E4F1: variants seen among roughly 807,000 people sequenced by gnomAD.
The protein encoded by E4F1 is transcription factor E4F1.
A neutral mutation model predicts 72.9 loss-of-function variants in E4F1; 30 were observed. The ratio of observed to expected loss-of-function variants is 0.41; its 90% CI spans 0.31 to 0.56. The LOEUF is 0.56. E4F1 is among the 20% of genes least tolerant of loss of function. The pLI is 0.25. For missense variants in E4F1, 1,091 were observed against 1,117.5 expected (o/e 0.98, Z 0.34); for synonymous variants, 542 against 478.2 (o/e 1.13, Z -1.74).
chr16:2,235,552 G>A lies in E4F1; in HGVS notation c.2335G>A (p.Val779Met), dbSNP rs2093503338. 6.3e-7 allele frequency: 1 copy of A among 1,599,068 alleles called. No individual in the cohort carries two copies. Among genetic ancestry groups the A allele is most frequent in the Non-Finnish European group, 8.5e-7 (1 of 1,170,526 alleles). The change falls in exon 14 of 14, where the codon GTG becomes ATG. Residue 779 changes from valine to methionine, a missense_variant. Around this residue, in one of 5 missense-constraint regions of E4F1, gnomAD observed 622 missense variants for 628.0 expected, o/e 0.99. Coordinates refer to ENST00000301727, the MANE Select transcript of E4F1 (RefSeq NM_004424.5). ...VIASPEGQLE[V>M]QTVIV ...CGCCTCGCCGGAGGGCCAGCTGGAG[G>A]TGCAGACGGTCATCGTCTAGCATGA...
intron 1 of E4F1, among the ~76,000 whole-genome samples, chr16:2,224,799 A>G (rs745661683): frequency 2.8e-4 from 42 of 151,494 alleles, no homozygotes; most frequent in Admixed American, 1.6e-3. Flanking sequence ...AAAGAAAATG[A>G]CCAGGGTCAC....
intron 2 of E4F1, among the ~76,000 whole-genome samples, chr16:2,229,173 C>T (rs1466383544): frequency 6.6e-6 from 1 of 152,222 alleles, no homozygotes; most frequent in Non-Finnish European, 1.5e-5. Context: ...CCAGGAAGGC[C>T]TCTGGCCCAC....
Position 2,232,329 on chromosome 16 carries a change from T to TA in E4F1, c.575dup (p.Tyr192Ter). ...VKLLVNKDGR[Y>*]VCALCHKTFK... ...GCTACTGGTGAACAAGGATGGCCGC[T>TA]ATGTGTGTGCGCTGTGCCACAAGAC... Residue 192 changes from tyrosine to a stop codon, truncating the protein, a stop_gained and frameshift_variant, in exon 4 of 14, where the codon TAT becomes TAAT. Coordinates refer to ENST00000301727, the MANE Select transcript of E4F1 (RefSeq NM_004424.5). LOFTEE classifies it high-confidence loss of function. The TA allele has an allele frequency of 6.2e-7, 1 of 1,608,886 alleles. No individual in the cohort carries two copies.
chr16:2,232,205 T>C lies in E4F1; in HGVS notation c.450T>C (p.Ala150=), dbSNP rs1211740135. 4 of 1,612,674 alleles carry C rather than the reference T, an allele frequency of 2.5e-6. No individual in the cohort carries two copies. The highest frequency in any genetic ancestry group is 3.4e-6 in the Non-Finnish European group (4 of 1,179,928). The change falls in exon 4 of 14, where the codon GCT becomes GCC. Residue 150 remains alanine, a synonymous_variant. Transcript: ENST00000301727. Reference sequence around the variant, plus strand: ...ACATCAAAGAGGTCATCGTGGCTGCTGAGGCGGAGCTGGGAGACGGTGAGA... The same window carrying C: ...ACATCAAAGAGGTCATCGTGGCTGCCGAGGCGGAGCTGGGAGACGGTGAGA... ...GGHIKEVIVA[A]EAELGDGEMA... is the part of the protein sequence containing the mutation.
Position 2,226,639 on chromosome 16 carries a change from C to T in E4F1, c.158-1733C>T, listed in dbSNP as rs1304238242. On this transcript the variant is annotated intron_variant, in intron 1 of 13. Transcript: ENST00000301727. ...GCTTTTATGGAAGCAGAAGAAACAG[C>T]TCCTATCCCTTTGTGTAAACAGGTA... Among the ~76,000 whole-genome samples the T allele has an allele frequency of 2.0e-5, 3 of 152,364 alleles. No homozygotes were observed. The South Asian group carries it at 6.2e-4, about 32-fold the overall frequency.
At chr16:2,224,000 A>T in intron 1 of E4F1, 1 of 1,457,754 alleles carries the variant, frequency 6.9e-7, no homozygotes, top group Non-Finnish European at 9.0e-7. Context: ...TGCGTCCACA[A>T]GTGCTCGCGG....
At chr16:2,227,410 C>T (rs548826122) in intron 1 of E4F1, among the ~76,000 whole-genome samples, 6 of 151,366 alleles carry the variant, frequency 4.0e-5, no homozygotes, top group South Asian at 2.1e-4. Flanking sequence ...CTCGCTCTTT[C>T]GCCCAGGCTG....
At chr16:2,233,732 G>A in intron 8 of E4F1, 85 bp downstream of exon 8, 1 of 1,460,536 alleles carries the variant, frequency 6.8e-7, no homozygotes. Context: ...CCCTGAAGTG[G>A]CTTTCTGCAG....
chr16:2,235,077 C>T lies in E4F1; in HGVS notation c.1936-4C>T. 1 of 1,612,578 alleles carries T rather than the reference C, an allele frequency of 6.2e-7. No homozygotes were observed. The highest frequency in any genetic ancestry group is 8.5e-7 in the Non-Finnish European group (1 of 1,179,920). ...GACCTCTGTCCTTCTGCCCATCTGCCCAGGCCACTGCGGACGATGCGGAGA... is the reference window on the plus strand; with the variant it reads ...GACCTCTGTCCTTCTGCCCATCTGCTCAGGCCACTGCGGACGATGCGGAGA... On this transcript the variant is annotated splice_polypyrimidine_tract_variant and splice_region_variant and intron_variant, in intron 12 of 13. Transcript: ENST00000301727.
rs544883555 is a variant in E4F1, at chr16:2,233,893, C to T, written c.1278C>T (p.Ser426=). The T allele has an allele frequency of 8.8e-6, 14 of 1,594,898 alleles. No homozygotes were observed. Among genetic ancestry groups the T allele is most frequent in the East Asian group, 6.8e-5 (3 of 44,002 alleles). The stretch of plus-strand genomic sequence containing the variant: ...CTGTGGTTCCCCAGCAGGTGGCCAG[C>T]GAGGCCTCAGCGGTGCCCAGGACCC... The part of the protein sequence containing the change: ...EVQPLETQVA[S]EASAVPRTHP... The change falls in exon 9 of 14, where the codon AGC becomes AGT. Residue 426 remains serine, a synonymous_variant. Coordinates refer to ENST00000301727, the MANE Select transcript of E4F1 (RefSeq NM_004424.5).
At position 2,233,886 on chromosome 16, in the gene E4F1, T is replaced by TTA. The variant is rs1483173080; in HGVS notation, c.1271_1272insTA (p.Ala425ArgfsTer167). 1.3e-6 allele frequency: 2 copies of TTA among 1,590,752 alleles called. No individual in the cohort carries two copies. The highest frequency in any genetic ancestry group is 4.6e-5 in the East Asian group (2 of 43,760). ...GACCTTCCTGTGGTTCCCCAGCAGG[T>TTA]GGCCAGCGAGGCCTCAGCGGTGCCC... On this transcript the variant is annotated frameshift_variant, in exon 9 of 14. Transcript: ENST00000301727. LOFTEE classifies it high-confidence loss of function.
chr16:2,235,066 T>C lies in E4F1; in HGVS notation c.1936-15T>C, dbSNP rs374926049. 1,497 of 1,612,306 alleles carry C rather than the reference T, an allele frequency of 9.3e-4. 3 individuals carry two copies. Among genetic ancestry groups the C allele is most frequent in the Middle Eastern group, 1.2e-3 (7 of 6,060 alleles). On this transcript the variant is annotated splice_polypyrimidine_tract_variant and intron_variant, in intron 12 of 13. Transcript: ENST00000301727. ...CAGCCAAGGCTGACCTCTGTCCTTCTGCCCATCTGCCCAGGCCACTGCGGA... is the reference window on the plus strand; with the variant it reads ...CAGCCAAGGCTGACCTCTGTCCTTCCGCCCATCTGCCCAGGCCACTGCGGA...
Position 2,229,578 on chromosome 16 carries a change from G to A in E4F1, c.318G>A (p.Pro106=), listed in dbSNP as rs749515737. 2.0e-5 allele frequency: 32 copies of A among 1,610,792 alleles called. No individual in the cohort carries two copies. The highest frequency in any genetic ancestry group is 2.2e-5 in the East Asian group (1 of 44,884). ...TTALLGQEVV[P]AAPGPEEPIT... ...TCTTCCCCCTTTGGCAGGTGGTGCC[G>A]GCAGCACCAGGCCCAGAGGAGCCCA... The change falls in exon 3 of 14, where the codon CCG becomes CCA. Residue 106 remains proline (P), a synonymous_variant. Transcript: ENST00000301727.
In E4F1 at chr16:2,233,558, G is replaced by A; in HGVS notation, c.1177G>A (p.Glu393Lys). 6.6e-7 allele frequency: 1 copy of A among 1,513,478 alleles called. No homozygotes were observed. Among genetic ancestry groups the A allele is most frequent in the Non-Finnish European group, 8.8e-7 (1 of 1,130,128 alleles). The allele number at this position is 1,513,478 out of a possible 1,614,324, so 93.8% of individuals were successfully genotyped here. A position where few individuals can be genotyped will look rare whatever the true frequency, so the allele number is the denominator to read the frequency against. The part of the protein sequence containing the change: ...ERAAGEEGAL[E>K]PAPAAGSSPQ... ...CGCTGCTGGGGAGGAGGGTGCCCTG[G>A]AGCCAGCTCCTGCTGCCGGGTCCAG... The change falls in exon 8 of 14, where the codon GAG (glutamate) becomes AAG (lysine). Residue 393 changes from glutamate (E) to lysine (K), a missense_variant. By Grantham distance (56) the Glu-to-Lys change is moderately conservative (BLOSUM62 1). Around this residue, in one of 5 missense-constraint regions of E4F1, gnomAD observed 622 missense variants for 628.0 expected, o/e 0.99. Coordinates refer to ENST00000301727, the MANE Select transcript of E4F1 (RefSeq NM_004424.5).
Position 2,232,507 on chromosome 16 carries a change from G to A in E4F1, c.661G>A (p.Glu221Lys), listed in dbSNP as rs779024155. The A allele has an allele frequency of 4.3e-6, 7 of 1,611,858 alleles. No homozygotes were observed. The highest frequency in any genetic ancestry group is 2.2e-5 in the South Asian group (2 of 90,898). The stretch of plus-strand genomic sequence containing the variant: ...CACTCACAGCAGCCGCAAGGACCAC[G>A]AGTGCAAGCTCTGTGGGGCCTCCTT... ...MVTHSSRKDH[E>K]CKLCGASFRT... is the part of the protein sequence containing the mutation. The change falls in exon 5 of 14, where the codon GAG becomes AAG. Residue 221 changes from glutamate (E) to lysine (K), a missense_variant. By Grantham distance (56) the Glu-to-Lys change is moderately conservative. Around this residue, in one of 5 missense-constraint regions of E4F1, gnomAD observed 362 missense variants for 358.6 expected, o/e 1.01. Transcript: ENST00000301727.
In E4F1 at chr16:2,233,963, C is replaced by T. The variant is rs201716081; in HGVS notation, c.1348C>T (p.Leu450=). The change falls in exon 9 of 14, where the codon CTG becomes TTG. Residue 450 remains leucine (L), a synonymous_variant. Coordinates refer to ENST00000301727, the MANE Select transcript of E4F1 (RefSeq NM_004424.5). ...CSETFPTAAT[L]EAHKRGHTGP... is the part of the protein sequence containing the mutation. The stretch of plus-strand genomic sequence containing the variant: ...TGAGACCTTCCCGACAGCAGCCACC[C>T]TGGAGGCCCACAAGAGGGGCCACAC... 5 of 1,598,644 alleles carry T rather than the reference C, an allele frequency of 3.1e-6. No homozygotes were observed. The East Asian group carries it at 1.1e-4, about 36-fold the overall frequency.
At chr16:2,234,468 C>T in intron 10 of E4F1, 80 bp downstream of exon 10, 2 of 1,578,414 alleles carry the variant, frequency 1.3e-6, no homozygotes, top group South Asian at 2.3e-5. Context: ...ACCCCCTTCC[C>T]TGCCTCCACC....
rs768710169 is a variant in E4F1 at position 2,228,535 on chromosome 16, C to T, written c.309+12C>T. ...TGCTGGGCCAGGAGGTGAGCCCTCA[C>T]CCACTCCCCCATCCCCTCCCGGGTT... On this transcript the variant is annotated intron_variant, in intron 2 of 13. Transcript: ENST00000301727. 1.2e-5 allele frequency: 19 copies of T among 1,609,726 alleles called. No homozygotes were observed. Among genetic ancestry groups the T allele is most frequent in the Non-Finnish European group, 1.7e-6 (2 of 1,177,968 alleles).
In E4F1 at chr16:2,235,425, G is replaced by A; in HGVS notation, c.2208G>A (p.Val736=). Residue 736 remains valine (V), a synonymous_variant, in exon 14 of 14, where the codon GTG becomes GTA. Coordinates refer to ENST00000301727, the MANE Select transcript of E4F1 (RefSeq NM_004424.5). ...TLASAISEGT[V]LAARAGTSGT... is the part of the protein sequence containing the mutation. ...CCTCGGCCATCAGCGAGGGCACTGT[G>A]CTTGCCGCCCGGGCAGGGACAAGTG... 1 of 1,612,454 alleles carries A rather than the reference G, an allele frequency of 6.2e-7. No individual in the cohort carries two copies. Among genetic ancestry groups the A allele is most frequent in the East Asian group, 2.2e-5 (1 of 44,860 alleles).
Sources: gnomAD v4.1 joint callset for allele counts (sites outside exome capture counted in the v4.1 genomes callset) on GRCh38, gnomAD v4.1.1 for gene constraint, gnomAD v4.1.1 regional missense constraint, MANE v1.5 for transcripts, NCBI Gene and HGNC (gene_info 2026-07-23, HGNC 2026-07-21) for gene names.